TENM3: variants seen among roughly 807,000 people sequenced by gnomAD.
TENM3 encodes the protein teneurin-3.
A neutral mutation model predicts 255.1 loss-of-function variants in TENM3; 63 were observed. That is an observed-to-expected ratio of 0.25 (90% CI 0.20 to 0.30). The LOEUF is 0.30. Ranked by LOEUF, TENM3 falls within the 10% of genes least tolerant of loss-of-function variation. TENM3 has a pLI of 1.00. For missense variants in TENM3, 2,929 were observed against 3,461.1 expected, an observed-to-expected ratio of 0.85 and a Z score of 3.86; for synonymous variants, 1,306 against 1,322.3, an observed-to-expected ratio of 0.99 and a Z score of 0.27.
intron 6 of TENM3, among the ~76,000 whole-genome samples, chr4:182,662,827 C>T (rs1348013012): frequency 1.3e-5 from 2 of 152,084 alleles, no homozygotes; most frequent in Non-Finnish European, 2.9e-5. Context: ...GTGTGTTTAC[C>T]ATCAATAAAG....
intron 1 of TENM3, among the ~76,000 whole-genome samples, chr4:182,154,780 T>C (rs942047504): frequency 6.6e-6 from 1 of 152,144 alleles, no homozygotes; most frequent in Non-Finnish European, 1.5e-5. Flanking sequence ...CCATCATATA[T>C]ATGAGGGTTA....
intron 1 of TENM3, among the ~76,000 whole-genome samples, chr4:182,289,225 C>G (rs548760273): frequency 6.6e-6 from 1 of 152,326 alleles, no homozygotes; most frequent in Non-Finnish European, 1.5e-5. Context: ...GAGATGCTGT[C>G]TCTACAAAAC....
At chr4:182,118,126 A>G in the TENM3 span, among the ~76,000 whole-genome samples, 2 of 152,102 alleles carry the variant, frequency 1.3e-5, no homozygotes, top group Admixed American at 1.3e-4. Context: ...CTATAATTAT[A>G]ATAATTATAA....
intron 19 of TENM3, among the ~76,000 whole-genome samples, chr4:182,747,938 A>G (rs1762123753): frequency 6.6e-6 from 1 of 152,314 alleles, no homozygotes; most frequent in Admixed American, 6.5e-5. Context: ...GCTTCTTCAA[A>G]TGTCTTGTGT....
At chr4:181,540,827 G>C in the TENM3 span, among the ~76,000 whole-genome samples, 1 of 148,954 alleles carries the variant, frequency 6.7e-6, no homozygotes, top group Non-Finnish European at 1.5e-5. Flanking sequence ...TGGGATCCTG[G>C]GACAGATAAG....
chr4:181,659,959 A>G, the TENM3 span, among the ~76,000 whole-genome samples: 1 of 152,152 alleles, frequency 6.6e-6, no homozygotes, highest in Non-Finnish European at 1.5e-5. Flanking sequence ...TCCCATTAGC[A>G]TTAATTTAAT....
chr4:182,189,599 A>G (rs1226763218), intron 1 of TENM3, among the ~76,000 whole-genome samples: 2 of 152,180 alleles, frequency 1.3e-5, no homozygotes, highest in East Asian at 3.9e-4. Context: ...TTTTCCAGGC[A>G]TATGTCTGGG....
the TENM3 span, among the ~76,000 whole-genome samples, chr4:181,949,678 C>G: frequency 3.3e-5 from 5 of 152,174 alleles, no homozygotes; most frequent in Non-Finnish European, 7.3e-5. Flanking sequence ...TACGTATCCC[C>G]TTCAATGGCT....
At chr4:181,722,613 G>A in the TENM3 span, among the ~76,000 whole-genome samples, 1 of 152,026 alleles carries the variant, frequency 6.6e-6, no homozygotes, top group Non-Finnish European at 1.5e-5. Flanking sequence ...CTTCTAGTAG[G>A]AAACATGGAA....
the TENM3 span, among the ~76,000 whole-genome samples, chr4:181,918,819 T>C: frequency 6.6e-6 from 1 of 152,252 alleles, no homozygotes; most frequent in East Asian, 1.9e-4. Flanking sequence ...TCTCAATTCA[T>C]TGATCAAAGA....
intron 3 of TENM3, among the ~76,000 whole-genome samples, chr4:182,515,118 T>C (rs140140563): frequency 5.4e-4 from 82 of 152,260 alleles, no homozygotes; most frequent in Non-Finnish European, 1.0e-3. Flanking sequence ...GAAAAAGCAA[T>C]TTCAGTAGTG....
At chr4:181,906,574 G>A in the TENM3 span, 5 of 152,358 alleles carry the variant, frequency 3.3e-5, no homozygotes, top group Admixed American at 2.0e-4. Flanking sequence ...AGTAAGTGAC[G>A]AATCACAGAC....
the TENM3 span, among the ~76,000 whole-genome samples, chr4:181,600,579 T>A: frequency 9.9e-5 from 15 of 151,846 alleles, no homozygotes; most frequent in African/African-American, 3.6e-4. Flanking sequence ...TAAGTACCTC[T>A]CAAAACTGCC....
At chr4:181,662,459 T>G in the TENM3 span, among the ~76,000 whole-genome samples, 1 of 152,364 alleles carries the variant, frequency 6.6e-6, no homozygotes, top group Non-Finnish European at 1.5e-5. Context: ...CATATTAGTC[T>G]ATTACTTCTC....
intron 12 of TENM3, among the ~76,000 whole-genome samples, chr4:182,692,106 A>G (rs1403737862): frequency 6.6e-6 from 1 of 152,216 alleles, no homozygotes; most frequent in Non-Finnish European, 1.5e-5. Flanking sequence ...GGCTATCTCT[A>G]TGTAAAAAAG....
the TENM3 span, among the ~76,000 whole-genome samples, chr4:181,551,807 AATATATATATATAT>A: frequency 4.1e-3 from 578 of 140,990 alleles, 13 homozygotes; most frequent in South Asian, 0.063. Flanking sequence ...GGCAGTTAAT[AATATATATATATAT>A]ATATATATAT....
At chr4:182,514,016 C>T (rs1422662586) in intron 3 of TENM3, among the ~76,000 whole-genome samples, 1 of 152,184 alleles carries the variant, frequency 6.6e-6, no homozygotes, top group African/African-American at 2.4e-5. Flanking sequence ...TTAGGGTTTC[C>T]CCTCTCTCCC....
rs200699557 is a variant in TENM3 at position 182,346,869 on chromosome 4, T to C, written c.451T>C (p.Ser151Pro). 315 of 1,613,334 alleles carry C rather than the reference T, an allele frequency of 2.0e-4. 2 individuals carry two copies. Among genetic ancestry groups the C allele is most frequent in the South Asian group, 2.4e-4 (22 of 90,950 alleles). Residue 151 changes from serine (S) to proline (P), a missense_variant, in exon 3 of 28, where the codon TCC (serine) becomes CCC (proline). Physicochemically the swap from Ser to Pro is moderately conservative, Grantham distance 74. Coordinates refer to ENST00000511685, the MANE Select transcript of TENM3 (RefSeq NM_001080477.4). ...SGRSSCLSSRSNSALTLTDTE... is the reference protein window; with the variant it reads ...SGRSSCLSSRPNSALTLTDTE... ...CCGCAGCTCCTGCCTGTCAAGTCGG[T>C]CCAACTCAGCCCTCACCCTGACAGA... is the stretch of plus-strand genomic sequence containing the variant.
intron 12 of TENM3, among the ~76,000 whole-genome samples, chr4:182,693,587 G>C (rs552516866): frequency 1.3e-5 from 2 of 151,938 alleles, no homozygotes; most frequent in Non-Finnish European, 2.9e-5. Flanking sequence ...GATCCACTGC[G>C]CCCGTCCTTT....
Sources: gnomAD v4.1 joint callset for allele counts (sites outside exome capture counted in the v4.1 genomes callset) on GRCh38, gnomAD v4.1.1 for gene constraint, MANE v1.5 for transcripts, NCBI Gene and HGNC (gene_info 2026-07-23, HGNC 2026-07-21) for gene names.